Variants in LPIN1 observed in about 807,000 individuals in gnomAD.
The protein encoded by LPIN1 is phosphatidate phosphatase LPIN1.
Under a neutral mutation model 107.5 loss-of-function variants are expected in LPIN1, and 71 were observed. The ratio of observed to expected loss-of-function variants is 0.66; its 90% CI spans 0.55 to 0.80. LPIN1 has a LOEUF of 0.80. Among genes scored for constraint, LPIN1 ranks in the 30% least tolerant of loss-of-function variants. The probability of loss-of-function intolerance (pLI) is 0.00; values close to 1 mark genes in which losing one functional copy is unlikely to be tolerated. For missense variants in LPIN1, 1,043 were observed against 1,160.6 expected (o/e 0.90, Z 1.47); for synonymous variants, 445 against 452.6 (o/e 0.98, Z 0.21).
At chr2:11,693,461 C>A (rs530654947) in intron 1 of LPIN1, among the ~76,000 whole-genome samples, 4 of 151,898 alleles carry the variant, frequency 2.6e-5, no homozygotes, top group African/African-American at 9.7e-5. Context: ...ACTCCCAGGC[C>A]CCACCTTGGA....
In LPIN1 at chr2:11,795,486, A is replaced by T; in HGVS notation, c.1885A>T (p.Arg629Trp). 6.2e-7 allele frequency: 1 copy of T among 1,614,034 alleles called. No individual in the cohort carries two copies. ...EQPPQLSLAT[R>W]VKHESSSSDE... Reference sequence around the variant, plus strand: ...ACCGCCGCAGCTCAGCTTGGCCACCAGGTGCGGTAGGAGGCTTCTTGGGAT... The same window carrying T: ...ACCGCCGCAGCTCAGCTTGGCCACCTGGTGCGGTAGGAGGCTTCTTGGGAT... Residue 629 changes from arginine (R) to tryptophan (W), a missense_variant and splice_region_variant, in exon 14 of 21, where the codon AGG (arginine) becomes TGG (tryptophan). By Grantham distance (101) the Arg-to-Trp change is moderately radical. Transcript: ENST00000674199.
At chr2:11,757,193 T>C (rs1668814912) in intron 1 of LPIN1, among the ~76,000 whole-genome samples, 2 of 152,230 alleles carry the variant, frequency 1.3e-5, no homozygotes, top group African/African-American at 4.8e-5. Flanking sequence ...AGCAGGCATC[T>C]GAAAGCCGTT....
At chr2:11,802,620 C>T (rs953146388) in intron 14 of LPIN1, among the ~76,000 whole-genome samples, 2 of 152,014 alleles carry the variant, frequency 1.3e-5, no homozygotes, top group Non-Finnish European at 2.9e-5. Flanking sequence ...GGAGTTTAAC[C>T]CTGCTTGTCA....
chr2:11,802,253 G>A (rs1415255613), intron 14 of LPIN1, among the ~76,000 whole-genome samples: 4 of 152,194 alleles, frequency 2.6e-5, no homozygotes, highest in East Asian at 1.9e-4. Context: ...TAAAGAAAAC[G>A]AGCCTAATTC....
At chr2:11,700,864 C>T (rs940544541) in intron 1 of LPIN1, among the ~76,000 whole-genome samples, 1 of 152,230 alleles carries the variant, frequency 6.6e-6, no homozygotes, top group African/African-American at 2.4e-5. Flanking sequence ...CTCCCCAGAG[C>T]CACTCCATAT....
At chr2:11,718,787 T>C (rs4471859) in intron 2 of LPIN1, among the ~76,000 whole-genome samples, 126,297 of 152,198 alleles carry the variant, frequency 0.83, 53,131 homozygotes, top group East Asian at 0.93. Context: ...TGCCTTGAGG[T>C]AGCCGTTTTT....
intron 2 of LPIN1, among the ~76,000 whole-genome samples, chr2:11,714,117 C>G (rs1002496165): frequency 2.0e-5 from 3 of 152,212 alleles, no homozygotes; most frequent in African/African-American, 7.2e-5. Context: ...CTCCCCAGTG[C>G]CAAGAGGAAG....
chr2:11,729,275 T>C (rs1292061945), intron 1 of LPIN1, among the ~76,000 whole-genome samples: 1 of 152,206 alleles, frequency 6.6e-6, no homozygotes, highest in East Asian at 1.9e-4. Context: ...GTAACAAACC[T>C]GCACGTTCTG....
At position 11,824,698 on chromosome 2, in the gene LPIN1, CTT is replaced by C. The variant is rs759675912; in HGVS notation, c.2690_2691del (p.Phe897SerfsTer8). The C allele has an allele frequency of 1.2e-6, 2 of 1,614,158 alleles. No individual in the cohort carries two copies. The highest frequency in any genetic ancestry group is 1.7e-6 in the Non-Finnish European group (2 of 1,180,034). ...TGCTGAAAAGAAGCCATTCTTCAGA[CTT>C]TCCCTGTTCGGATACCTTCAGTAAC... ...PLLKRSHSSD[F>X]PCSDTFSNFT... On this transcript the variant is annotated frameshift_variant, in exon 21 of 21. Transcript: ENST00000674199. LOFTEE classifies it high-confidence loss of function.
Position 11,826,819 on chromosome 2 carries a change from C to T in LPIN1, c.*2028C>T, listed in dbSNP as rs1682432792. 2 of 152,098 alleles carry T rather than the reference C, an allele frequency of 1.3e-5. No individual in the cohort carries two copies. Among genetic ancestry groups the T allele is most frequent in the South Asian group, 2.1e-4 (1 of 4,816 alleles). The allele number at this position is 152,098 out of a possible 1,614,324, so 9.4% of individuals were successfully genotyped here. A position where few individuals can be genotyped will look rare whatever the true frequency, so the allele number is the denominator to read the frequency against. On this transcript the variant is annotated 3_prime_UTR_variant, in exon 21 of 21. Transcript: ENST00000674199. ...TTTCAGAGGATGCAATTTTGGATCC[C>T]GAATTTTGATGTACCTTAAACTTCC...
At chr2:11,735,252 A>T (rs1451737685) in intron 1 of LPIN1, among the ~76,000 whole-genome samples, 2 of 151,406 alleles carry the variant, frequency 1.3e-5, no homozygotes, top group Non-Finnish European at 2.9e-5. Flanking sequence ...AGATTGTGCC[A>T]CTGCACTCCA....
At chr2:11,747,528 C>G (rs920789845) in intron 1 of LPIN1, among the ~76,000 whole-genome samples, 2 of 152,120 alleles carry the variant, frequency 1.3e-5, no homozygotes, top group Non-Finnish European at 2.9e-5. Context: ...TTTTAGAACC[C>G]GGCAGTTTCC....
At position 11,805,073 on chromosome 2, in the gene LPIN1, A is replaced by G. The variant is rs1214337856; in HGVS notation, c.2166A>G (p.Ser722=). The change falls in exon 17 of 21, where the codon TCA becomes TCG. Residue 722 remains serine (S), a synonymous_variant. Transcript: ENST00000674199. ...ISDIDGTITR[S]DTLGHILPTL... is the part of the protein sequence containing the mutation. Reference sequence around the variant, plus strand: ...TTCTCTTTTCCTCTTCATTTAGATCAGATACTCTTGGCCACATTTTGCCCA... The same window carrying G: ...TTCTCTTTTCCTCTTCATTTAGATCGGATACTCTTGGCCACATTTTGCCCA... 1 of 1,601,556 alleles carries G rather than the reference A, an allele frequency of 6.2e-7. No individual in the cohort carries two copies. Among genetic ancestry groups the G allele is most frequent in the Non-Finnish European group, 8.6e-7 (1 of 1,168,986 alleles).
chr2:11,794,110 A>G (rs1214838932), intron 13 of LPIN1, among the ~76,000 whole-genome samples: 1 of 152,266 alleles, frequency 6.6e-6, no homozygotes, highest in Non-Finnish European at 1.5e-5. Flanking sequence ...CTGTTAGCAT[A>G]TCTGAGGTCT....
At chr2:11,824,464 T>C (rs868825816) in intron 20 of LPIN1, among the ~76,000 whole-genome samples, 168 bp from the exon 21 acceptor site, 1 of 151,788 alleles carries the variant, frequency 6.6e-6, no homozygotes, top group Non-Finnish European at 1.5e-5. Context: ...CATTTTCATC[T>C]CTCATTTTCA....
chr2:11,760,353 C>T (rs1360928127), intron 1 of LPIN1, among the ~76,000 whole-genome samples: 6 of 152,308 alleles, frequency 3.9e-5, no homozygotes, highest in South Asian at 2.1e-4. Context: ...GAGGTTGTAG[C>T]GAGCCGAGAT....
intron 13 of LPIN1, among the ~76,000 whole-genome samples, chr2:11,794,365 T>G (rs1256208676): frequency 6.6e-6 from 1 of 152,210 alleles, no homozygotes; most frequent in African/African-American, 2.4e-5. Flanking sequence ...AAATGTTTCT[T>G]TAAAAATCTG....
intron 1 of LPIN1, among the ~76,000 whole-genome samples, chr2:11,759,924 G>C (rs1332110892): frequency 6.6e-6 from 1 of 151,974 alleles, no homozygotes; most frequent in South Asian, 2.1e-4. Context: ...CTTCCCAGAC[G>C]GGGCGGCTGC....
chr2:11,796,610 G>A (rs1676763650), intron 14 of LPIN1, among the ~76,000 whole-genome samples: 1 of 152,114 alleles, frequency 6.6e-6, no homozygotes, highest in African/African-American at 2.4e-5. Flanking sequence ...TCCCCTGGTG[G>A]TGTCCCAGGT....
Sources: allele counts gnomAD v4.1 joint callset (sites outside exome capture counted in the v4.1 genomes callset), GRCh38; gene constraint gnomAD v4.1.1; transcripts MANE v1.5; gene names NCBI Gene and HGNC (gene_info 2026-07-23, HGNC 2026-07-21).